The following CNTNAP2 variants were observed in gnomAD, a reference collection of about 807,000 sequenced individuals.
CNTNAP2 encodes the protein contactin associated protein 2, also known as contactin-associated protein-like 2.
A neutral mutation model predicts 155.2 loss-of-function variants in CNTNAP2; 98 were observed. The observed-to-expected ratio is 0.63, with a 90% CI of 0.54 to 0.75. The LOEUF is 0.75. CNTNAP2 is among the 30% of genes least tolerant of loss of function. The probability of loss-of-function intolerance (pLI) is 0.00; values close to 1 mark genes in which losing one functional copy is unlikely to be tolerated. For synonymous variants in CNTNAP2, 651 were observed against 631.2 expected (o/e 1.03, Z -0.47); for missense variants, 1,727 against 1,688.1 (o/e 1.02, Z -0.40).
chr7:146,995,540 A>T (rs1158620000), intron 3 of CNTNAP2, among the ~76,000 whole-genome samples: 1 of 152,100 alleles, frequency 6.6e-6, no homozygotes, highest in Non-Finnish European at 1.5e-5. Flanking sequence ...AACAGGAGTG[A>T]CATAATATCT....
intron 2 of CNTNAP2, among the ~76,000 whole-genome samples, chr7:146,835,184 T>G (rs1258331510): frequency 1.3e-5 from 2 of 152,236 alleles, no homozygotes; most frequent in African/African-American, 4.8e-5. Context: ...GTATGTTAGT[T>G]GCTTGCTTGC....
intron 13 of CNTNAP2, among the ~76,000 whole-genome samples, chr7:147,889,887 T>G (rs551630398): frequency 6.6e-6 from 1 of 152,192 alleles, no homozygotes; most frequent in South Asian, 2.1e-4. Context: ...AGAAAATAAA[T>G]ATTTTTTCAA....
At chr7:148,407,807 C>T (rs944051648) in intron 22 of CNTNAP2, among the ~76,000 whole-genome samples, 12 of 151,372 alleles carry the variant, frequency 7.9e-5, no homozygotes, top group Non-Finnish European at 1.5e-4. Context: ...AATATGAAAT[C>T]CTTGAATACC....
At chr7:147,402,952 G>GAAAAA (rs201092537) in intron 10 of CNTNAP2, among the ~76,000 whole-genome samples, 1 of 94,800 alleles carries the variant, frequency 1.1e-5, no homozygotes, top group Non-Finnish European at 2.5e-5. Flanking sequence ...AAATAATCCT[G>GAAAAA]AAAAAAAAAA....
chr7:148,046,455 AT>A (rs1316078539), intron 15 of CNTNAP2, among the ~76,000 whole-genome samples: 2 of 152,154 alleles, frequency 1.3e-5, no homozygotes, highest in South Asian at 2.1e-4. Flanking sequence ...CATGGGTGTA[AT>A]TTTTTATACT....
At chr7:147,499,553 T>C (rs1017151759) in intron 11 of CNTNAP2, among the ~76,000 whole-genome samples, 1 of 152,096 alleles carries the variant, frequency 6.6e-6, no homozygotes, top group African/African-American at 2.4e-5. Context: ...GATATAATGA[T>C]GTATTAAGGT....
At chr7:146,792,255 A>C (rs1802688037) in intron 2 of CNTNAP2, among the ~76,000 whole-genome samples, 1 of 151,050 alleles carries the variant, frequency 6.6e-6, no homozygotes, top group Non-Finnish European at 1.5e-5. Context: ...TATATCAAAA[A>C]AAAAGAAAAA....
chr7:148,140,644 A>C (rs1805046407), intron 16 of CNTNAP2, among the ~76,000 whole-genome samples: 1 of 151,412 alleles, frequency 6.6e-6, no homozygotes. Flanking sequence ...CTGGTCTCGA[A>C]CTCCTGACCT....
rs1288532955 is a variant in CNTNAP2, at chr7:148,419,682, G to A, written c.*4066G>A. 1.3e-5 allele frequency: 2 copies of A among 151,342 alleles called. No homozygotes were observed. The highest frequency in any genetic ancestry group is 2.9e-5 in the Non-Finnish European group (2 of 67,988). 9.4% of individuals were successfully genotyped at this position (151,342 alleles called of 1,614,324 possible). ...TGGTCTCGAACTCCTGACCTCAAGT[G>A]ATCCGTCCACCTCGGCCTTGCAAAT... On this transcript the variant is annotated 3_prime_UTR_variant, in exon 24 of 24. Transcript: ENST00000361727.
At chr7:147,558,797 C>G (rs1377470172) in intron 11 of CNTNAP2, among the ~76,000 whole-genome samples, 2 of 151,894 alleles carry the variant, frequency 1.3e-5, no homozygotes, top group South Asian at 4.2e-4. Context: ...GGCTGGAGTG[C>G]GGTGGCACAA....
At chr7:147,042,902 G>C (rs1195868767) in intron 3 of CNTNAP2, among the ~76,000 whole-genome samples, 1 of 151,964 alleles carries the variant, frequency 6.6e-6, no homozygotes, top group East Asian at 1.9e-4. Context: ...ATCGAAAAGA[G>C]AATATCTTCT....
At position 146,685,225 on chromosome 7, in the gene CNTNAP2, C is replaced by G. The variant is rs1285223388; in HGVS notation, c.98-89046C>G. ...TTAACTGCCAAGCTGTATCCACTAT[C>G]ATGCCGATTTCAAAGGATAGCATGG... On this transcript the variant is annotated intron_variant, in intron 1 of 23. Coordinates refer to ENST00000361727, the MANE Select transcript of CNTNAP2 (RefSeq NM_014141.6). Among the ~76,000 whole-genome samples the G allele has an allele frequency of 2.6e-5, 4 of 152,150 alleles. No individual in the cohort carries two copies. The South Asian group carries it at 8.3e-4, about 32-fold the overall frequency.
chr7:147,613,956 A>T (rs1801236125), intron 12 of CNTNAP2, among the ~76,000 whole-genome samples: 1 of 152,256 alleles, frequency 6.6e-6, no homozygotes, highest in South Asian at 2.1e-4. Flanking sequence ...GTAGGGTTAA[A>T]GACAGGGATC....
At chr7:148,257,315 C>T (rs768127010) in intron 20 of CNTNAP2, among the ~76,000 whole-genome samples, 7 of 152,330 alleles carry the variant, frequency 4.6e-5, no homozygotes, top group Non-Finnish European at 8.8e-5. Context: ...GTGAAACACA[C>T]CAGGCACCTC....
At chr7:148,208,978 C>T (rs1045086728) in intron 18 of CNTNAP2, among the ~76,000 whole-genome samples, 1 of 152,144 alleles carries the variant, frequency 6.6e-6, no homozygotes, top group African/African-American at 2.4e-5. Context: ...TCTTCACACA[C>T]TTCTCCCAGG....
At chr7:147,167,120 CT>C (rs1283858597) in intron 8 of CNTNAP2, among the ~76,000 whole-genome samples, 1 of 152,030 alleles carries the variant, frequency 6.6e-6, no homozygotes. Context: ...ATCCATGCAG[CT>C]TTGACATCTA....
At chr7:147,475,492 C>T (rs1201825552) in intron 10 of CNTNAP2, among the ~76,000 whole-genome samples, 1 of 151,706 alleles carries the variant, frequency 6.6e-6, no homozygotes, top group Non-Finnish European at 1.5e-5. Flanking sequence ...CCTGTTCAAA[C>T]CCTTTACTCA....
chr7:148,025,707 A>G (rs186954991), intron 15 of CNTNAP2, among the ~76,000 whole-genome samples: 26 of 152,318 alleles, frequency 1.7e-4, no homozygotes, highest in African/African-American at 5.5e-4. Flanking sequence ...CTTACTTGCA[A>G]TAACATAATA....
intron 1 of CNTNAP2, among the ~76,000 whole-genome samples, chr7:146,503,915 G>A (rs1797343174): frequency 6.6e-6 from 1 of 152,168 alleles, no homozygotes; most frequent in Non-Finnish European, 1.5e-5. Context: ...TAGGCAGTTG[G>A]GAAATGGTGT....
Sources: allele counts gnomAD v4.1 joint callset (sites outside exome capture counted in the v4.1 genomes callset), GRCh38; gene constraint gnomAD v4.1.1; transcripts MANE v1.5; gene names NCBI Gene and HGNC (gene_info 2026-07-23, HGNC 2026-07-21).